Variants in BACH2 observed in about 807,000 individuals in gnomAD.
The protein encoded by BACH2 is BACH transcriptional regulator 2, also known as transcription regulator protein BACH2.
BACH2 carries 5 observed loss-of-function variants against 61.8 expected under a neutral mutation model. The ratio of observed to expected loss-of-function variants is 0.08; its 90% confidence interval spans 0.04 to 0.17. The LOEUF (loss-of-function observed/expected upper bound fraction) is 0.17. Ranked by LOEUF, BACH2 falls within the 10% of genes least tolerant of loss-of-function variation. The pLI, the probability that BACH2 is intolerant of heterozygous loss-of-function variation, is 1.00. For synonymous variants in BACH2, 446 were observed against 440.1 expected, an observed-to-expected ratio of 1.01 and a Z score of -0.17; for missense variants, 824 against 1,091.1, an observed-to-expected ratio of 0.76 and a Z score of 3.45.
At chr6:90,014,983 G>T (rs1441562253) in intron 5 of BACH2, among the ~76,000 whole-genome samples, 9 of 142,296 alleles carry the variant, frequency 6.3e-5, no homozygotes, top group African/African-American at 2.1e-4. Context: ...GTCTTACTAT[G>T]ATACCCAGGC....
At chr6:90,114,561 T>C (rs557882097) in intron 4 of BACH2, among the ~76,000 whole-genome samples, 1 of 152,236 alleles carries the variant, frequency 6.6e-6, no homozygotes, top group Admixed American at 6.5e-5. Flanking sequence ...GCCAACATAT[T>C]ACTGAATGGG....
chr6:90,143,946 CTT>C (rs1784541369), intron 4 of BACH2, among the ~76,000 whole-genome samples: 1 of 152,202 alleles, frequency 6.6e-6, no homozygotes, highest in African/African-American at 2.4e-5. Flanking sequence ...TTATAGAACT[CTT>C]TCCCCTGTTA....
chr6:90,265,486 C>T (rs2127877909), intron 2 of BACH2, among the ~76,000 whole-genome samples: 1 of 152,226 alleles, frequency 6.6e-6, no homozygotes, highest in East Asian at 1.9e-4. Context: ...ATGGGAAATG[C>T]CCAACTCACA....
chr6:90,171,094 AAAG>A (rs1204180905), intron 4 of BACH2, among the ~76,000 whole-genome samples: 3 of 152,052 alleles, frequency 2.0e-5, no homozygotes, highest in African/African-American at 7.2e-5. Flanking sequence ...AGAGGAGAAA[AAAG>A]AAGAAAATTT....
intron 3 of BACH2, among the ~76,000 whole-genome samples, chr6:90,220,033 C>T (rs1054277579): frequency 7.2e-5 from 11 of 152,056 alleles, no homozygotes; most frequent in Admixed American, 5.2e-4. Context: ...AACATGCAGC[C>T]GCTTGTAACA....
At chr6:89,984,744 C>T (rs530743125) in intron 6 of BACH2, among the ~76,000 whole-genome samples, 2 of 152,216 alleles carry the variant, frequency 1.3e-5, no homozygotes, top group African/African-American at 4.8e-5. Flanking sequence ...ACTTAGGACC[C>T]ACTGTTAGAA....
intron 4 of BACH2, among the ~76,000 whole-genome samples, chr6:90,187,717 C>G (rs928159096): frequency 6.6e-6 from 1 of 152,218 alleles, no homozygotes; most frequent in Non-Finnish European, 1.5e-5. Context: ...GGATTAGGAT[C>G]AGATTATTCT....
chr6:90,295,955 C>G (rs563354907), intron 1 of BACH2, among the ~76,000 whole-genome samples: 1 of 152,226 alleles, frequency 6.6e-6, no homozygotes, highest in African/African-American at 2.4e-5. Flanking sequence ...GGCCAAGGTC[C>G]TCGCGGAGCA....
At chr6:90,015,667 A>G (rs1778021680) in intron 5 of BACH2, among the ~76,000 whole-genome samples, 1 of 152,174 alleles carries the variant, frequency 6.6e-6, no homozygotes, top group Non-Finnish European at 1.5e-5. Flanking sequence ...AAATTTATGG[A>G]GACTTGTTTT....
intron 8 of BACH2, among the ~76,000 whole-genome samples, chr6:89,934,743 G>C (rs1772905625): frequency 6.6e-6 from 1 of 152,126 alleles, no homozygotes; most frequent in Non-Finnish European, 1.5e-5. Flanking sequence ...ATGAAGAAAA[G>C]GGGCATCTGA....
intron 4 of BACH2, among the ~76,000 whole-genome samples, chr6:90,112,196 T>C (rs886882297): frequency 6.6e-6 from 1 of 152,196 alleles, no homozygotes; most frequent in African/African-American, 2.4e-5. Flanking sequence ...CTCCAGGCCA[T>C]CTTCTGCAAT....
intron 4 of BACH2, among the ~76,000 whole-genome samples, chr6:90,175,770 T>C (rs1767964270): frequency 6.6e-6 from 1 of 152,158 alleles, no homozygotes; most frequent in South Asian, 2.1e-4. Flanking sequence ...GCTAGCCGAT[T>C]CTCAGAGATA....
rs1773142465 is a variant in BACH2 at position 89,938,150 on chromosome 6, G to A, written c.2037C>T (p.Arg679=). The A allele has an allele frequency of 6.2e-7, 1 of 1,612,232 alleles. No homozygotes were observed. The highest frequency in any genetic ancestry group is 1.3e-5 in the African/African-American group (1 of 74,928). The part of the protein sequence containing the change: ...DCIQNLECEI[R]KLVCEKEKLL... Reference sequence around the variant, plus strand: ...AATGGATGGGTCAACTCACCAATTTGCGGATTTCACATTCTAAATTCTGAA... The same window carrying A: ...AATGGATGGGTCAACTCACCAATTTACGGATTTCACATTCTAAATTCTGAA... Residue 679 remains arginine, a synonymous_variant, in exon 8 of 9, where the codon CGC becomes CGT. Coordinates refer to ENST00000257749, the MANE Select transcript of BACH2 (RefSeq NM_021813.4).
Position 90,008,754 on chromosome 6 carries a change from G to A in BACH2, c.91C>T (p.Arg31Trp), listed in dbSNP as rs746587410. 15 of 1,614,042 alleles carry A rather than the reference G, an allele frequency of 9.3e-6. No individual in the cohort carries two copies. The highest frequency in any genetic ancestry group is 1.3e-5 in the Non-Finnish European group (15 of 1,180,030). The change falls in exon 6 of 9, where the codon CGG becomes TGG. Residue 31 changes from arginine (R) to tryptophan (W), a missense_variant. Physicochemically the swap from Arg to Trp is moderately radical, Grantham distance 101. This residue lies in a region of BACH2 where 66 missense variants were observed against 144.8 expected (regional missense o/e 0.46). Coordinates refer to ENST00000257749, the MANE Select transcript of BACH2 (RefSeq NM_021813.4). This position sits in a 1 kb window ranked among gnomAD's most constrained non-coding sequence, Gnocchi z 4.1. ...TNILLGLNDQRKKDILCDVTL... is the reference protein window; with the variant it reads ...TNILLGLNDQWKKDILCDVTL... ...ACGTCACAGAGAATATCCTTTTTCCGCTGGTCATTGAGGCCCAGGAGGATG... is the reference window on the plus strand; with the variant it reads ...ACGTCACAGAGAATATCCTTTTTCCACTGGTCATTGAGGCCCAGGAGGATG...
intron 3 of BACH2, among the ~76,000 whole-genome samples, chr6:90,247,795 C>G (rs985876423): frequency 1.3e-5 from 2 of 152,166 alleles, no homozygotes; most frequent in African/African-American, 4.8e-5. Flanking sequence ...AGAATTTCCT[C>G]CCTCATAGCT....
chr6:90,250,816 AT>A (rs982478685), intron 3 of BACH2, among the ~76,000 whole-genome samples: 2 of 152,212 alleles, frequency 1.3e-5, no homozygotes, highest in Admixed American at 6.5e-5. Context: ...TTAACCAAAA[AT>A]TTTTTTAAAT....
rs1773995805 is a variant in BACH2 at position 89,950,242 on chromosome 6, C to T, written c.1836+28G>A. On this transcript the variant is annotated intron_variant, in intron 7 of 8. Transcript: ENST00000257749. The surrounding 1 kb of genome is among the most constrained non-coding windows in gnomAD (Gnocchi z 5.3). The stretch of plus-strand genomic sequence containing the variant: ...GATAAAGGGCCTAGAGAGTGGGTCA[C>T]ATGCTTGAATTTATGTGGGTTCCCT... 1.9e-6 allele frequency: 3 copies of T among 1,613,616 alleles called. No homozygotes were observed. The South Asian group carries it at 3.3e-5, about 18-fold the overall frequency.
At chr6:90,229,922 A>G (rs1770040571) in intron 3 of BACH2, among the ~76,000 whole-genome samples, 2 of 152,216 alleles carry the variant, frequency 1.3e-5, no homozygotes, top group Admixed American at 1.3e-4. Flanking sequence ...TGCTGGCTGT[A>G]GAGCTACAGG....
chr6:89,998,831 C>T (rs1264142821), intron 6 of BACH2, among the ~76,000 whole-genome samples: 2 of 152,094 alleles, frequency 1.3e-5, no homozygotes, highest in Non-Finnish European at 2.9e-5. Context: ...AGAAGGGCCT[C>T]TTTCAAAAGC....
Sources: gnomAD v4.1 joint callset for allele counts (sites outside exome capture counted in the v4.1 genomes callset) on GRCh38, gnomAD v4.1.1 for gene constraint, gnomAD v4.1.1 regional missense constraint, Gnocchi (gnomAD v3.1) non-coding constraint, MANE v1.5 for transcripts, NCBI Gene and HGNC (gene_info 2026-07-23, HGNC 2026-07-21) for gene names.